The following SHOC2 variants were observed in gnomAD, a reference collection of about 807,000 sequenced individuals.
SHOC2 encodes the protein SHOC2 leucine rich repeat scaffold protein.
SHOC2 carries 4 observed loss-of-function variants against 50.2 expected under a neutral mutation model. That is an observed-to-expected ratio of 0.08 (90% CI 0.04 to 0.18). The LOEUF (loss-of-function observed/expected upper bound fraction) is 0.18. SHOC2 is among the 10% of genes least tolerant of loss of function. SHOC2 has a pLI of 1.00. For missense variants in SHOC2, 388 were observed against 669.6 expected, an observed-to-expected ratio of 0.58 and a Z score of 4.64; for synonymous variants, 218 against 244.5, an observed-to-expected ratio of 0.89 and a Z score of 1.01.
chr10:110,975,879 C>G lies in SHOC2; in HGVS notation c.704-9749C>G, dbSNP rs191055835. Among the ~76,000 whole-genome samples the G allele has an allele frequency of 3.2e-3, 487 of 151,908 alleles. 26 individuals are homozygous for G. The South Asian group carries it at 0.093, about 29-fold the overall frequency. On this transcript the variant is annotated intron_variant, in intron 2 of 8. Transcript: ENST00000369452. ...TTGTTTTTCCCTAATCTTTTGCTCA[C>G]TAATTTTAGCACTCGTTGCTGGATC...
At chr10:110,948,142 T>C (rs1181659543) in intron 1 of SHOC2, among the ~76,000 whole-genome samples, 1 of 152,152 alleles carries the variant, frequency 6.6e-6, no homozygotes, top group African/African-American at 2.4e-5. Context: ...CATTATACAA[T>C]GATAAAGAAG....
Position 111,012,427 on chromosome 10 carries a change from C to A in SHOC2, c.*609C>A, listed in dbSNP as rs1848584071. 6.6e-6 allele frequency: 1 copy of A among 151,450 alleles called. No individual in the cohort carries two copies. Among genetic ancestry groups the A allele is most frequent in the African/African-American group, 2.4e-5 (1 of 41,196 alleles). 9.4% of individuals were successfully genotyped at this position (151,450 alleles called of 1,614,324 possible). On this transcript the variant is annotated 3_prime_UTR_variant, in exon 9 of 9. Coordinates refer to ENST00000369452, the MANE Select transcript of SHOC2 (RefSeq NM_007373.4). ...TGGTGTAAACAGTGAAAGGTATTTGCTTGTTGAAAAAAAAAACTGGCAAAG... is the reference window on the plus strand; with the variant it reads ...TGGTGTAAACAGTGAAAGGTATTTGATTGTTGAAAAAAAAAACTGGCAAAG...
At chr10:110,936,589 CTTTTTTTTT>C (rs376101415) in intron 1 of SHOC2, 12 of 423,444 alleles carry the variant, frequency 2.8e-5, no homozygotes, top group African/African-American at 8.2e-5. Flanking sequence ...TTTTCTTTTC[CTTTTTTTTT>C]TTTTTTAACA....
chr10:110,927,013 A>G (rs1040095923), intron 1 of SHOC2, among the ~76,000 whole-genome samples: 1 of 152,214 alleles, frequency 6.6e-6, no homozygotes, highest in Non-Finnish European at 1.5e-5. Flanking sequence ...TTGAGTAGCA[A>G]CATTTTTTTC....
At chr10:111,009,920 T>C (rs1848537570) in intron 8 of SHOC2, 90 bp downstream of exon 8, 2 of 799,814 alleles carry the variant, frequency 2.5e-6, no homozygotes, top group East Asian at 2.5e-5. Flanking sequence ...AAATCTATTG[T>C]TTTTTAAACT....
Position 110,964,709 on chromosome 10 carries a change from A to G in SHOC2, c.351A>G (p.Ser117=), listed in dbSNP as rs1847640105. The change falls in exon 2 of 9, where the codon TCA becomes TCG. Residue 117 remains serine, a synonymous_variant. Coordinates refer to ENST00000369452, the MANE Select transcript of SHOC2 (RefSeq NM_007373.4). This position sits in a 1 kb window ranked among gnomAD's most constrained non-coding sequence, Gnocchi z 4.9. ...LSKRSIHILP[S]SIKELTQLTE... ...AGAGATCTATACACATATTGCCATC[A>G]TCAATCAAAGAGTTGACTCAATTAA... 1.9e-6 allele frequency: 3 copies of G among 1,614,060 alleles called. No individual in the cohort carries two copies. Among genetic ancestry groups the G allele is most frequent in the South Asian group, 1.1e-5 (1 of 91,090 alleles).
chr10:110,935,838 A>C (rs902554583), intron 1 of SHOC2, among the ~76,000 whole-genome samples: 1 of 152,206 alleles, frequency 6.6e-6, no homozygotes, highest in African/African-American at 2.4e-5. Context: ...TGTTGGTTAT[A>C]TAAAAACATT....
chr10:110,952,410 A>G lies in SHOC2; in HGVS notation c.-234-11715A>G, dbSNP rs74942672. Among the ~76,000 whole-genome samples, 10 of 152,328 alleles carry G rather than the reference A, an allele frequency of 6.6e-5. No individual in the cohort carries two copies. In the East Asian group the frequency reaches 1.7e-3, roughly 26 times the overall value. ...TTTACATTAGGGTTTTTACTGTTGT[A>G]GGTTCAATGGATTTTGACAAATGTG... On this transcript the variant is annotated intron_variant, in intron 1 of 8. Transcript: ENST00000369452.
chr10:110,919,563 G>T, upstream of SHOC2: 1 of 228,308 alleles, frequency 4.4e-6, no homozygotes, highest in Non-Finnish European at 8.2e-6. Flanking sequence ...GGGGCGGGCG[G>T]GGGGCGGCGG....
intron 1 of SHOC2, among the ~76,000 whole-genome samples, chr10:110,934,311 A>G (rs1354086821): frequency 5.3e-5 from 8 of 152,200 alleles, no homozygotes; most frequent in African/African-American, 1.9e-4. Context: ...GTAAAGGAAA[A>G]TAGAAACAAC....
At chr10:110,955,814 T>C (rs1484143416) in intron 1 of SHOC2, among the ~76,000 whole-genome samples, 1 of 152,226 alleles carries the variant, frequency 6.6e-6, no homozygotes, top group Non-Finnish European at 1.5e-5. Context: ...ACATGTTTTA[T>C]TTTCTGATAT....
chr10:110,985,692 G>A lies in SHOC2; in HGVS notation c.768G>A (p.Glu256=), dbSNP rs756117356. 1 of 1,610,808 alleles carries A rather than the reference G, an allele frequency of 6.2e-7. No homozygotes were observed. Among genetic ancestry groups the A allele is most frequent in the Non-Finnish European group, 8.5e-7 (1 of 1,177,754 alleles). ...AHNQLEHLPK[E]IGNCTQITNL... is the part of the protein sequence containing the mutation. ...ATCAACTTGAACACCTTCCAAAGGA[G>A]ATTGGAAACTGTACACAGATAACCA... is the stretch of plus-strand genomic sequence containing the variant. The change falls in exon 3 of 9, where the codon GAG becomes GAA. Residue 256 remains glutamate (E), a synonymous_variant. Coordinates refer to ENST00000369452, the MANE Select transcript of SHOC2 (RefSeq NM_007373.4).
intron 3 of SHOC2, among the ~76,000 whole-genome samples, chr10:110,991,881 T>A (rs937058293): frequency 5.9e-5 from 9 of 152,192 alleles, no homozygotes; most frequent in African/African-American, 2.2e-4. Flanking sequence ...TGAGAAAGTA[T>A]AACTTAAAAT....
At chr10:110,966,530 G>A (rs890477596) in intron 2 of SHOC2, among the ~76,000 whole-genome samples, 1 of 152,050 alleles carries the variant, frequency 6.6e-6, no homozygotes, top group African/African-American at 2.4e-5. Context: ...TTGTGTATGT[G>A]TTACACTCAG....
chr10:110,921,812 C>T (rs904553611), intron 1 of SHOC2, among the ~76,000 whole-genome samples: 5 of 151,996 alleles, frequency 3.3e-5, no homozygotes, highest in Non-Finnish European at 7.4e-5. Context: ...CCCACATTCC[C>T]CCTTCAGTTT....
intron 8 of SHOC2, among the ~76,000 whole-genome samples, chr10:111,010,713 T>A (rs1250705194): frequency 6.6e-6 from 1 of 152,154 alleles, no homozygotes; most frequent in Non-Finnish European, 1.5e-5. Context: ...TAATTGACAA[T>A]TCAAAATCTA....
intron 1 of SHOC2, among the ~76,000 whole-genome samples, chr10:110,922,754 A>G (rs1054902376): frequency 6.6e-5 from 10 of 152,090 alleles, no homozygotes; most frequent in African/African-American, 2.4e-4. Context: ...TTAGACTTGG[A>G]AGAATTTTGC....
rs141580102 is a variant in SHOC2 at position 110,985,640 on chromosome 10, A to G, written c.716A>G (p.Asn239Ser). The change falls in exon 3 of 9, where the codon AAC (asparagine) becomes AGC (serine). Residue 239 changes from asparagine (N) to serine (S), a missense_variant. Asn to Ser is a conservative substitution (Grantham distance 46). Transcript: ENST00000369452. Reference sequence around the variant, plus strand: ...GGTCAATTTACAGGTGAATTATGTAACCTCATTACGCTGGATGTAGCTCAC... The same window carrying G: ...GGTCAATTTACAGGTGAATTATGTAGCCTCATTACGCTGGATGTAGCTCAC... ...QLPAEIGELC[N>S]LITLDVAHNQ... 3.1e-6 allele frequency: 5 copies of G among 1,610,940 alleles called. No homozygotes were observed. The highest frequency in any genetic ancestry group is 4.2e-6 in the Non-Finnish European group (5 of 1,178,328).
In SHOC2 at chr10:110,977,910, C is replaced by T. The variant is rs139365504; in HGVS notation, c.704-7718C>T. On this transcript the variant is annotated intron_variant, in intron 2 of 8. Coordinates refer to ENST00000369452, the MANE Select transcript of SHOC2 (RefSeq NM_007373.4). ...AGGTCTTTGCCTAGCCTTTGGTAGT[C>T]TGTTTGTACCTAATGCAGATAAGAA... 4.5e-3 allele frequency among the ~76,000 whole-genome samples: 680 copies of T among 152,306 alleles called. 27 individuals carry two copies. In the South Asian group the frequency reaches 0.093, roughly 21 times the overall value.
Sources: gnomAD v4.1 joint callset for allele counts (sites outside exome capture counted in the v4.1 genomes callset) on GRCh38, gnomAD v4.1.1 for gene constraint, Gnocchi (gnomAD v3.1) non-coding constraint, MANE v1.5 for transcripts, NCBI Gene and HGNC (gene_info 2026-07-23, HGNC 2026-07-21) for gene names.